The following PUDP variants were observed in gnomAD, a reference collection of about 807,000 sequenced individuals.
The protein encoded by PUDP is pseudouridine-5'-phosphatase.
In PUDP, 8 loss-of-function variants were observed where a neutral mutation model predicts 9.4. The ratio of observed to expected loss-of-function variants is 0.85; its 90% CI spans 0.50 to 1.53. PUDP has a LOEUF of 1.53. PUDP is among the 40% of genes most tolerant of loss of function. The pLI is 0.00. For missense variants in PUDP, 188 were observed against 189.7 expected, an observed-to-expected ratio of 0.99 and a Z score of 0.05; for synonymous variants, 99 against 80.7, an observed-to-expected ratio of 1.23 and a Z score of -1.22.
intron 1 of PUDP, among the ~76,000 whole-genome samples, chrX:6,713,995 C>T (rs965731755): frequency 3.6e-5 from 4 of 111,001 alleles, no homozygotes; most frequent in South Asian, 3.8e-4. Flanking sequence ...TGTGCTCAAG[C>T]GATCCTCTCA....
intron 3 of PUDP, among the ~76,000 whole-genome samples, chrX:6,726,984 A>G (rs1924746486): frequency 8.9e-6 from 1 of 112,151 alleles, no homozygotes; most frequent in Non-Finnish European, 1.9e-5. Context: ...CCATTACAAA[A>G]TGGAATGTAA....
At chrX:6,984,472 T>C (rs1208854632) in intron 1 of PUDP, among the ~76,000 whole-genome samples, 1 of 111,902 alleles carries the variant, frequency 8.9e-6, no homozygotes, top group Non-Finnish European at 1.9e-5. Flanking sequence ...CCATAAGTGC[T>C]ATACAAAAAA....
chrX:7,076,655 G>A (rs1280092120), intron 3 of PUDP, among the ~76,000 whole-genome samples: 1 of 112,000 alleles, frequency 8.9e-6, no homozygotes, highest in Non-Finnish European at 1.9e-5. Flanking sequence ...AGCAGCCGTG[G>A]TGCGGGACAG....
rs190312085 is a variant in PUDP, at chrX:6,976,351, C to T, written c.*247+782G>A. Among the ~76,000 whole-genome samples the T allele has an allele frequency of 2.9e-4, 33 of 112,047 alleles. 1 individual carries two copies. The highest frequency in any genetic ancestry group is 9.1e-4 in the African/African-American group (28 of 30,884). The stretch of plus-strand genomic sequence containing the variant: ...TGGTATAGATACCGGAGGGAATCTC[C>T]TGGTCTGCGGGTTGCAAAGACCATG... On this transcript the variant is annotated intron_variant and NMD_transcript_variant, in intron 3 of 3. Coordinates refer to the PUDP transcript ENST00000655425.
chrX:6,808,284 T>C (rs1416315481), intron 3 of PUDP, among the ~76,000 whole-genome samples: 2 of 112,321 alleles, frequency 1.8e-5, no homozygotes. Context: ...CAACAACTTG[T>C]ATTTTTGCTC....
intron 3 of PUDP, among the ~76,000 whole-genome samples, chrX:6,726,974 C>A (rs1359137506): frequency 3.6e-5 from 4 of 111,676 alleles, no homozygotes; most frequent in Non-Finnish European, 7.5e-5. Flanking sequence ...CCAAGAAACA[C>A]CATTACAAAA....
intron 3 of PUDP, among the ~76,000 whole-genome samples, chrX:6,752,225 G>A (rs1017526521): frequency 1.8e-5 from 2 of 111,557 alleles, no homozygotes; most frequent in African/African-American, 3.3e-5. Context: ...TCACTCGATT[G>A]CTTCTTCTTG....
chrX:6,899,943 T>G (rs1927650270), intron 3 of PUDP, among the ~76,000 whole-genome samples: 1 of 111,767 alleles, frequency 8.9e-6, no homozygotes, highest in South Asian at 3.8e-4. Context: ...TTAGGTGCAG[T>G]GGCTCACACC....
intron 1 of PUDP, among the ~76,000 whole-genome samples, chrX:6,708,953 G>A (rs1924501014): frequency 1.8e-5 from 2 of 112,195 alleles, no homozygotes; most frequent in African/African-American, 3.2e-5. Context: ...CCTAGATGAA[G>A]CCACCTGTGC....
chrX:6,877,277 A>G (rs977934336), intron 3 of PUDP, among the ~76,000 whole-genome samples: 1 of 111,376 alleles, frequency 9.0e-6, no homozygotes, highest in Non-Finnish European at 1.9e-5. Context: ...CTGTATATTT[A>G]AACTCCTGTA....
chrX:7,133,558 T>A (rs996137388), intron 1 of PUDP, among the ~76,000 whole-genome samples: 1 of 112,178 alleles, frequency 8.9e-6, no homozygotes, highest in East Asian at 2.8e-4. Context: ...CTGCTACCTC[T>A]GTCAGAACAA....
At chrX:7,139,146 A>C (rs1256251999) in intron 1 of PUDP, among the ~76,000 whole-genome samples, 1 of 112,132 alleles carries the variant, frequency 8.9e-6, no homozygotes, top group Non-Finnish European at 1.9e-5. Context: ...AGATTTTACC[A>C]ATCATGTTTT....
chrX:6,877,176 C>T (rs184521181), intron 3 of PUDP, among the ~76,000 whole-genome samples: 66 of 109,987 alleles, frequency 6.0e-4, no homozygotes, highest in Non-Finnish European at 1.1e-3. Context: ...TCAGGCTGGT[C>T]TTGAACTCCT....
chrX:7,109,335 G>A (rs1239304778), intron 1 of PUDP, among the ~76,000 whole-genome samples: 1 of 112,081 alleles, frequency 8.9e-6, no homozygotes, highest in Non-Finnish European at 1.9e-5. Flanking sequence ...ATTGACAAAA[G>A]GAAACTGCAG....
intron 3 of PUDP, among the ~76,000 whole-genome samples, chrX:6,825,049 T>C (rs192685492): frequency 9.0e-6 from 1 of 111,725 alleles, no homozygotes; most frequent in East Asian, 2.8e-4. Flanking sequence ...GTTGTTGTTG[T>C]TGTCATGGCA....
At chrX:6,793,263 C>T (rs1442303564) in intron 3 of PUDP, among the ~76,000 whole-genome samples, 1 of 111,842 alleles carries the variant, frequency 8.9e-6, no homozygotes, top group African/African-American at 3.3e-5. Context: ...CTAATATGTC[C>T]TCACATCGCA....
rs758965869 is a variant in PUDP, at chrX:7,121,651, T to C, written c.62-15813A>G. 4.5e-5 allele frequency among the ~76,000 whole-genome samples: 5 copies of C among 111,090 alleles called. No homozygotes were observed. The Admixed American group carries it at 4.7e-4, about 11-fold the overall frequency. ...CAAGGAGGCTCCCAGAGAGAAAAGA[T>C]CCACAGGTAGGTGGCCAAAGGGTAC... On this transcript the variant is annotated intron_variant, in intron 1 of 3. Transcript: ENST00000381077.
At chrX:7,145,092 A>T (rs1932834581) in intron 1 of PUDP, among the ~76,000 whole-genome samples, 1 of 112,021 alleles carries the variant, frequency 8.9e-6, no homozygotes, top group Non-Finnish European at 1.9e-5. Flanking sequence ...AGGCTAGTTC[A>T]AACTAAGATG....
intron 3 of PUDP, among the ~76,000 whole-genome samples, chrX:6,909,409 C>T (rs1927816137): frequency 8.9e-6 from 1 of 111,867 alleles, no homozygotes; most frequent in East Asian, 2.8e-4. Flanking sequence ...TCACTAGGGT[C>T]CTTGGGAGTT....
Sources: gnomAD v4.1 joint callset for allele counts (sites outside exome capture counted in the v4.1 genomes callset) on GRCh38, gnomAD v4.1.1 for gene constraint, MANE v1.5 for transcripts, NCBI Gene and HGNC (gene_info 2026-07-23, HGNC 2026-07-21) for gene names.